The following ANKFN1 variants were observed in gnomAD, a reference collection of about 807,000 sequenced individuals.
The protein encoded by ANKFN1 is ankyrin repeat and fibronectin type III domain containing 1.
In ANKFN1, 74 loss-of-function variants were observed where a neutral mutation model predicts 108.7. The observed-to-expected ratio is 0.68, with a 90% CI of 0.56 to 0.83. The LOEUF (loss-of-function observed/expected upper bound fraction) is 0.83. Ranked by LOEUF, ANKFN1 falls within the 40% of genes least tolerant of loss-of-function variation. The pLI is 0.00. For synonymous variants in ANKFN1, 547 were observed against 516.2 expected (o/e 1.06, Z -0.81); for missense variants, 1,505 against 1,382.3 (o/e 1.09, Z -1.41).
chr17:56,489,725 A>T (rs995716191), intron 18 of ANKFN1, among the ~76,000 whole-genome samples: 3 of 147,520 alleles, frequency 2.0e-5, no homozygotes, highest in Non-Finnish European at 4.5e-5. Context: ...AAAAAAAACA[A>T]TTTTTTTTTT....
intron 11 of ANKFN1, among the ~76,000 whole-genome samples, chr17:56,455,150 TTC>T (rs1389499831): frequency 6.6e-6 from 1 of 152,182 alleles, no homozygotes; most frequent in Non-Finnish European, 1.5e-5. Flanking sequence ...TCTTAAATCT[TTC>T]TATCCATCTG....
Position 56,511,167 on chromosome 17 carries a change from C to G in ANKFN1, c.3339C>G (p.Pro1113=), listed in dbSNP as rs760810968. The change falls in exon 21 of 21, where the codon CCC becomes CCG. Residue 1113 remains proline, a synonymous_variant. Transcript: ENST00000682825. The part of the protein sequence containing the change: ...DEKPWASLSP[P]SGGRITLPSP... ...AACCATGGGCAAGCTTGAGCCCGCC[C>G]TCTGGAGGCCGCATCACCCTGCCCA... 18 of 1,535,984 alleles carry G rather than the reference C, an allele frequency of 1.2e-5. No individual in the cohort carries two copies. Among genetic ancestry groups the G allele is most frequent in the Non-Finnish European group, 1.6e-5 (18 of 1,146,888 alleles).
intron 6 of ANKFN1, among the ~76,000 whole-genome samples, chr17:56,365,600 G>A (rs1364756422): frequency 6.6e-6 from 1 of 152,150 alleles, no homozygotes; most frequent in African/African-American, 2.4e-5. Flanking sequence ...CACGTTGCTT[G>A]CAGTTTGGAA....
At chr17:56,098,048 A>G (rs1040440921) in intron 4 of ANKFN1, among the ~76,000 whole-genome samples, 4 of 152,162 alleles carry the variant, frequency 2.6e-5, no homozygotes, top group African/African-American at 7.2e-5. Context: ...TGCCATCACA[A>G]TATCTTTATA....
chr17:56,193,063 T>C (rs1361948761), intron 1 of ANKFN1, among the ~76,000 whole-genome samples: 18 of 90,098 alleles, frequency 2.0e-4, no homozygotes, highest in African/African-American at 9.1e-4. Flanking sequence ...CATGGAATGC[T>C]ATGCAGCCAT....
chr17:56,452,239 G>A (rs1036988956), intron 11 of ANKFN1, among the ~76,000 whole-genome samples: 3 of 152,168 alleles, frequency 2.0e-5, no homozygotes, highest in African/African-American at 7.2e-5. Context: ...ATGCCAACAT[G>A]AATGAAGTAA....
At chr17:56,382,435 C>A (rs879577082) in intron 8 of ANKFN1, among the ~76,000 whole-genome samples, 7 of 152,204 alleles carry the variant, frequency 4.6e-5, no homozygotes, top group Non-Finnish European at 8.8e-5. Flanking sequence ...CGAGCAAAAT[C>A]ACCAGCTAAC....
chr17:56,188,958 T>C (rs1912574339), intron 1 of ANKFN1, among the ~76,000 whole-genome samples: 2 of 151,894 alleles, frequency 1.3e-5, no homozygotes, highest in African/African-American at 2.4e-5. Flanking sequence ...CAATCCTGCC[T>C]ATGTGGTGAA....
At chr17:56,212,251 G>T (rs1915072948) in intron 1 of ANKFN1, among the ~76,000 whole-genome samples, 1 of 152,090 alleles carries the variant, frequency 6.6e-6, no homozygotes, top group African/African-American at 2.4e-5. Flanking sequence ...ATTATAAAGA[G>T]ATGCTGGATT....
chr17:56,088,488 G>A (rs1240888647), intron 4 of ANKFN1, among the ~76,000 whole-genome samples: 3 of 150,964 alleles, frequency 2.0e-5, no homozygotes, highest in African/African-American at 4.9e-5. Context: ...TGAGGCATCC[G>A]GTCACTTCTT....
chr17:56,139,690 A>T (rs1907805588), intron 4 of ANKFN1, among the ~76,000 whole-genome samples: 1 of 152,210 alleles, frequency 6.6e-6, no homozygotes, highest in Non-Finnish European at 1.5e-5. Flanking sequence ...CCCCACTTAT[A>T]GAGGCTGCTC....
At position 56,510,805 on chromosome 17, in the gene ANKFN1, C is replaced by T; in HGVS notation, c.2977C>T (p.Pro993Ser). The T allele has an allele frequency of 1.3e-6, 2 of 1,536,166 alleles. No homozygotes were observed. The highest frequency in any genetic ancestry group is 1.7e-6 in the Non-Finnish European group (2 of 1,146,914). Reference protein sequence around the residue: ...HAKTVSGGRPPLGFLGKRKPG... With the variant: ...HAKTVSGGRPSLGFLGKRKPG... ...CAAGACTGTGTCCGGTGGGCGGCCCCCGCTAGGCTTCCTGGGAAAGCGGAA... is the reference window on the plus strand; with the variant it reads ...CAAGACTGTGTCCGGTGGGCGGCCCTCGCTAGGCTTCCTGGGAAAGCGGAA... Residue 993 changes from proline (P) to serine (S), a missense_variant, in exon 21 of 21, where the codon CCG becomes TCG. Transcript: ENST00000682825.
In ANKFN1 at chr17:56,241,265, C is replaced by T. The variant is rs546944377; in HGVS notation, c.53+13308C>T. On this transcript the variant is annotated intron_variant, in intron 3 of 20. Coordinates refer to ENST00000682825, the MANE Select transcript of ANKFN1 (RefSeq NM_001370326.1). ...CTCCAGCTTGACCAACAGAGTGAGA[C>T]CCTGTTCTAAAACAAACAAACAAAC... 3.3e-5 allele frequency among the ~76,000 whole-genome samples: 5 copies of T among 151,976 alleles called. 1 individual carries two copies. The highest frequency in any genetic ancestry group is 6.6e-5 in the Admixed American group (1 of 15,228).
chr17:56,381,557 A>G (rs547312546), intron 8 of ANKFN1, among the ~76,000 whole-genome samples: 1 of 152,336 alleles, frequency 6.6e-6, no homozygotes, highest in African/African-American at 2.4e-5. Context: ...AGATGAATGT[A>G]TAACTAGAAT....
At chr17:56,086,300 G>A (rs547007783) in intron 4 of ANKFN1, among the ~76,000 whole-genome samples, 1 of 151,124 alleles carries the variant, frequency 6.6e-6, no homozygotes, top group East Asian at 1.9e-4. Context: ...AGCTACTCAG[G>A]AGACTGAGGC....
At chr17:56,435,563 G>T (rs1567999503) in intron 8 of ANKFN1, among the ~76,000 whole-genome samples, 1 of 152,164 alleles carries the variant, frequency 6.6e-6, no homozygotes, top group Non-Finnish European at 1.5e-5. Flanking sequence ...CACAAGCAAT[G>T]GCTGGGTCTA....
intron 8 of ANKFN1, among the ~76,000 whole-genome samples, chr17:56,406,333 C>A (rs2047920358): frequency 6.6e-6 from 1 of 152,046 alleles, no homozygotes; most frequent in African/African-American, 2.4e-5. Context: ...ATACAGTAAG[C>A]TAAAATGGGC....
At chr17:56,104,509 G>A (rs1030039946) in intron 4 of ANKFN1, among the ~76,000 whole-genome samples, 1 of 152,174 alleles carries the variant, frequency 6.6e-6, no homozygotes. Flanking sequence ...TTACTGCTGT[G>A]CCACCCTTTT....
At chr17:56,337,511 C>T (rs895814919) in intron 4 of ANKFN1, among the ~76,000 whole-genome samples, 4 of 152,062 alleles carry the variant, frequency 2.6e-5, no homozygotes, top group South Asian at 2.1e-4. Context: ...AAGAAACTAC[C>T]GTCAGAGTCA....
Sources: gnomAD v4.1 joint callset for allele counts (sites outside exome capture counted in the v4.1 genomes callset) on GRCh38, gnomAD v4.1.1 for gene constraint, MANE v1.5 for transcripts, NCBI Gene and HGNC (gene_info 2026-07-23, HGNC 2026-07-21) for gene names.